Variants in GABRB2 observed in about 807,000 individuals in gnomAD.
The protein encoded by GABRB2 is gamma-aminobutyric acid type A receptor subunit beta2.
GABRB2 carries 16 observed loss-of-function variants against 54.7 expected under a neutral mutation model. That is an observed-to-expected ratio of 0.29 (90% CI 0.20 to 0.44). The LOEUF is 0.44. Ranked by LOEUF, GABRB2 falls within the 20% of genes least tolerant of loss-of-function variation. The pLI is 1.00. For missense variants in GABRB2, 355 were observed against 644.0 expected (o/e 0.55, Z 4.86); for synonymous variants, 244 against 233.8 (o/e 1.04, Z -0.40).
At chr5:161,295,967 T>C (rs1471263722) in intron 9 of GABRB2, among the ~76,000 whole-genome samples, 1 of 152,212 alleles carries the variant, frequency 6.6e-6, no homozygotes, top group Non-Finnish European at 1.5e-5. Flanking sequence ...AGGGCTTCCT[T>C]GACCTACAGA....
At chr5:161,326,542 A>T (rs1419959800) in intron 8 of GABRB2, 61 bp from the exon 9 acceptor site, 5 of 1,543,620 alleles carry the variant, frequency 3.2e-6, no homozygotes, top group Non-Finnish European at 4.4e-6. Context: ...ATTAGGCCTG[A>T]TGGTTAAAGT....
intron 3 of GABRB2, among the ~76,000 whole-genome samples, chr5:161,478,341 C>T (rs1267386541): frequency 1.3e-5 from 2 of 151,964 alleles, no homozygotes; most frequent in African/African-American, 4.8e-5. Context: ...TACATATTAC[C>T]ATTCTATTTT....
chr5:161,437,942 C>T (rs937554787), intron 4 of GABRB2, among the ~76,000 whole-genome samples: 6 of 152,198 alleles, frequency 3.9e-5, no homozygotes, highest in Non-Finnish European at 7.3e-5. Context: ...CTGCAAGGCA[C>T]TTCTGGACCC....
At chr5:161,532,944 T>C (rs17463427) in intron 3 of GABRB2, among the ~76,000 whole-genome samples, 45,694 of 152,028 alleles carry the variant, frequency 0.3, 7,146 homozygotes, top group Admixed American at 0.41. Flanking sequence ...CATCTCCTGT[T>C]TTTCTCTGTG....
chr5:161,389,726 A>G (rs1159480619), intron 5 of GABRB2, among the ~76,000 whole-genome samples: 4 of 151,946 alleles, frequency 2.6e-5, no homozygotes, highest in Non-Finnish European at 4.4e-5. Context: ...GTTTTCACCA[A>G]TATAATATCA....
intron 8 of GABRB2, 29 bp from the exon 9 acceptor site, chr5:161,326,510 T>C: frequency 6.2e-7 from 1 of 1,607,300 alleles, no homozygotes; most frequent in South Asian, 1.1e-5. Flanking sequence ...AATGTGCTAA[T>C]TAAGTCGATT....
At chr5:161,470,609 C>T (rs1581012944) in intron 3 of GABRB2, among the ~76,000 whole-genome samples, 2 of 151,868 alleles carry the variant, frequency 1.3e-5, no homozygotes, top group Admixed American at 1.3e-4. Context: ...AGGCAGATAA[C>T]ACAGACAGCA....
At chr5:161,295,159 G>C (rs10044322) in intron 9 of GABRB2, among the ~76,000 whole-genome samples, 12,543 of 152,232 alleles carry the variant, frequency 0.082, 574 homozygotes, top group East Asian at 0.14. Flanking sequence ...GCTGAGAAGA[G>C]GAAAGGGAAG....
intron 4 of GABRB2, among the ~76,000 whole-genome samples, chr5:161,457,933 C>T (rs1378896506): frequency 1.3e-5 from 2 of 152,094 alleles, no homozygotes; most frequent in Non-Finnish European, 2.9e-5. Context: ...TCTGGAGAAA[C>T]AGGAAGAGTG....
At chr5:161,360,316 G>T (rs908100225) in intron 5 of GABRB2, among the ~76,000 whole-genome samples, 3 of 152,074 alleles carry the variant, frequency 2.0e-5, no homozygotes, top group African/African-American at 7.2e-5. Context: ...TAGAAAGCAA[G>T]GAAGAAAACA....
chr5:161,415,229 G>A (rs764609157), intron 4 of GABRB2, among the ~76,000 whole-genome samples: 3 of 152,194 alleles, frequency 2.0e-5, no homozygotes, highest in Non-Finnish European at 4.4e-5. Context: ...CCTCAAGAAT[G>A]TGTCTTATTT....
chr5:161,384,292 AAC>A (rs1484265857), intron 5 of GABRB2, among the ~76,000 whole-genome samples: 1 of 152,212 alleles, frequency 6.6e-6, no homozygotes, highest in Admixed American at 6.5e-5. Context: ...CACAGAGATA[AAC>A]GTCTTGTATA....
At position 161,400,047 on chromosome 5, in the gene GABRB2, C is replaced by T. The variant is rs183209522; in HGVS notation, c.541+10928G>A. 3.9e-4 allele frequency among the ~76,000 whole-genome samples: 60 copies of T among 152,178 alleles called. 1 individual carries two copies. Among genetic ancestry groups the T allele is most frequent in the African/African-American group, 1.1e-3 (45 of 41,514 alleles). On this transcript the variant is annotated intron_variant, in intron 5 of 9. Coordinates refer to ENST00000393959, the MANE Select transcript of GABRB2 (RefSeq NM_001371727.1). Reference sequence around the variant, plus strand: ...GGTACTCGATTTGCAAAAACTAGCACGCATTATTGAAAATCTATGGAAAGA... The same window carrying T: ...GGTACTCGATTTGCAAAAACTAGCATGCATTATTGAAAATCTATGGAAAGA...
intron 3 of GABRB2, among the ~76,000 whole-genome samples, chr5:161,510,446 T>A (rs868203878): frequency 2.6e-5 from 4 of 151,978 alleles, no homozygotes; most frequent in Admixed American, 6.6e-5. Flanking sequence ...ATTCTTTTTT[T>A]ATGGCCAAAT....
In GABRB2 at chr5:161,297,307, A is replaced by G. The variant is rs553424273; in HGVS notation, c.1192-2879T>C. Among the ~76,000 whole-genome samples the G allele has an allele frequency of 1.1e-3, 166 of 152,262 alleles. 1 individual carries two copies. The highest frequency in any genetic ancestry group is 3.9e-3 in the African/African-American group (162 of 41,558). On this transcript the variant is annotated intron_variant, in intron 9 of 9. Coordinates refer to ENST00000393959, the MANE Select transcript of GABRB2 (RefSeq NM_001371727.1). ...TTTTAATTTTTATTATTTTACATTA[A>G]GTTCTGGGACACATGTGCAGAACAT...
chr5:161,363,219 T>A (rs1208338270), intron 5 of GABRB2, among the ~76,000 whole-genome samples: 2 of 152,172 alleles, frequency 1.3e-5, no homozygotes, highest in African/African-American at 4.8e-5. Context: ...TGAGTTCATG[T>A]CCTTTGCAGG....
intron 9 of GABRB2, among the ~76,000 whole-genome samples, chr5:161,322,498 A>G (rs1758241387): frequency 6.6e-6 from 1 of 152,212 alleles, no homozygotes; most frequent in South Asian, 2.1e-4. Context: ...AGTCTCCCAA[A>G]GTGCTGGGAT....
At chr5:161,485,393 A>C (rs2113338695) in intron 3 of GABRB2, among the ~76,000 whole-genome samples, 1 of 152,104 alleles carries the variant, frequency 6.6e-6, no homozygotes, top group Non-Finnish European at 1.5e-5. Context: ...GCAGTTAATA[A>C]GGTTGGTTGG....
At chr5:161,428,488 A>G (rs1757077971) in intron 4 of GABRB2, among the ~76,000 whole-genome samples, 1 of 152,054 alleles carries the variant, frequency 6.6e-6, no homozygotes, top group African/African-American at 2.4e-5. Flanking sequence ...CTGGGTAACC[A>G]CTGTTTTATT....
Sources: gnomAD v4.1 joint callset for allele counts (sites outside exome capture counted in the v4.1 genomes callset) on GRCh38, gnomAD v4.1.1 for gene constraint, MANE v1.5 for transcripts, NCBI Gene and HGNC (gene_info 2026-07-23, HGNC 2026-07-21) for gene names.